The following AFTPH variants were observed in gnomAD, a reference collection of about 807,000 sequenced individuals.
The protein encoded by AFTPH is aftiphilin, also known as aftiphilin protein.
AFTPH carries 7 observed loss-of-function variants against 72.5 expected under a neutral mutation model. The observed-to-expected ratio is 0.10, with a 90% CI of 0.05 to 0.18. AFTPH has a LOEUF of 0.18. Ranked by LOEUF, AFTPH falls within the 10% of genes least tolerant of loss-of-function variation. The pLI is 1.00. For synonymous variants in AFTPH, 337 were observed against 370.1 expected, an observed-to-expected ratio of 0.91 and a Z score of 1.03; for missense variants, 979 against 1,060.5, an observed-to-expected ratio of 0.92 and a Z score of 1.07.
chr2:64,570,874 T>C (rs1240564012), intron 5 of AFTPH, among the ~76,000 whole-genome samples: 3 of 151,424 alleles, frequency 2.0e-5, no homozygotes, highest in Non-Finnish European at 4.4e-5. Flanking sequence ...GTAATATTTT[T>C]ACTATTTCTA....
At chr2:64,540,321 A>G (rs568609835) in intron 1 of AFTPH, among the ~76,000 whole-genome samples, 4 of 152,280 alleles carry the variant, frequency 2.6e-5, no homozygotes, top group African/African-American at 9.6e-5. Context: ...ATCAATAGTT[A>G]TCCAATGTTA....
intron 1 of AFTPH, among the ~76,000 whole-genome samples, chr2:64,534,089 T>G (rs1669764409): frequency 6.6e-6 from 1 of 151,724 alleles, no homozygotes; most frequent in Non-Finnish European, 1.5e-5. Flanking sequence ...TGGTGTTTTC[T>G]TCTTGGTGAT....
At chr2:64,560,676 C>A (rs1297524226) in intron 2 of AFTPH, among the ~76,000 whole-genome samples, 1 of 152,096 alleles carries the variant, frequency 6.6e-6, no homozygotes, top group Non-Finnish European at 1.5e-5. Context: ...AGTTTGAGAC[C>A]AGCCTGGCCA....
At chr2:64,579,445 C>G in intron 6 of AFTPH, 41 bp from the exon 7 acceptor site, 1 of 1,550,604 alleles carries the variant, frequency 6.4e-7, no homozygotes, top group Non-Finnish European at 8.9e-7. Context: ...GTTGCTACAA[C>G]CTGTACTGAT....
At chr2:64,592,100 C>G (rs1673864037) in exon 9 of AFTPH, 1 of 1,285,616 alleles carries the variant, frequency 7.8e-7, no homozygotes. Flanking sequence ...CCATCAAAAG[C>G]ATACCTGCTC....
chr2:64,589,942 T>G (rs1673718427), intron 8 of AFTPH, among the ~76,000 whole-genome samples: 1 of 3,352 alleles, frequency 3.0e-4, no homozygotes, highest in African/African-American at 1.0e-3. Context: ...CAAATACATA[T>G]ATGGGGGGGG....
chr2:64,540,976 A>G (rs1466047536), intron 1 of AFTPH, among the ~76,000 whole-genome samples: 2 of 152,098 alleles, frequency 1.3e-5, no homozygotes, highest in African/African-American at 4.8e-5. Context: ...TATAATTGTA[A>G]TATTTGCCGT....
intron 2 of AFTPH, among the ~76,000 whole-genome samples, chr2:64,560,338 T>C (rs561212342): frequency 6.6e-6 from 1 of 152,242 alleles, no homozygotes; most frequent in South Asian, 2.1e-4. Flanking sequence ...ATTAAACCAT[T>C]GGGTAATCAT....
intron 7 of AFTPH, among the ~76,000 whole-genome samples, chr2:64,581,865 GA>G (rs909296195): frequency 5.9e-5 from 9 of 151,656 alleles, no homozygotes; most frequent in African/African-American, 1.7e-4. Flanking sequence ...TTTTCCATGG[GA>G]AAAAAAATGT....
intron 6 of AFTPH, among the ~76,000 whole-genome samples, chr2:64,574,843 C>G (rs1672667269): frequency 6.6e-6 from 1 of 152,236 alleles, no homozygotes; most frequent in South Asian, 2.1e-4. Flanking sequence ...AAACTGCTAT[C>G]CCAGGTCTGC....
chr2:64,556,468 AT>A (rs1265417696), intron 2 of AFTPH, among the ~76,000 whole-genome samples: 2 of 152,130 alleles, frequency 1.3e-5, no homozygotes, highest in Non-Finnish European at 2.9e-5. Flanking sequence ...TTAAACAAAC[AT>A]GGCAATTTGA....
chr2:64,592,352 T>TA (rs879897290), exon 9 of AFTPH: 1,201 of 171,752 alleles, frequency 7.0e-3, no homozygotes, highest in East Asian at 0.018. Context: ...ACTTTTGAAA[T>TA]AAAAAAAAAA....
intron 2 of AFTPH, among the ~76,000 whole-genome samples, chr2:64,555,446 A>G (rs1572983952): frequency 6.6e-6 from 1 of 151,994 alleles, no homozygotes. Context: ...CTGTAATCCC[A>G]GCTACTCAGG....
intron 1 of AFTPH, among the ~76,000 whole-genome samples, chr2:64,537,317 C>G (rs1572946498): frequency 6.6e-6 from 1 of 152,084 alleles, no homozygotes; most frequent in Non-Finnish European, 1.5e-5. Flanking sequence ...AACCACCTGT[C>G]GGGTACTATG....
At chr2:64,536,951 C>CAAAAAA (rs70937353) in intron 1 of AFTPH, among the ~76,000 whole-genome samples, 49 of 81,602 alleles carry the variant, frequency 6.0e-4, no homozygotes, top group East Asian at 1.3e-3. Context: ...GACTCTGTCT[C>CAAAAAA]AAAAAAAAAA....
chr2:64,547,144 A>G (rs906044513), intron 1 of AFTPH, among the ~76,000 whole-genome samples: 1 of 151,838 alleles, frequency 6.6e-6, no homozygotes, highest in Non-Finnish European at 1.5e-5. Flanking sequence ...GGACTCTGTT[A>G]AAGTAGATGA....
At chr2:64,565,251 G>A (rs990564936) in intron 2 of AFTPH, among the ~76,000 whole-genome samples, 45 of 151,984 alleles carry the variant, frequency 3.0e-4, no homozygotes, top group African/African-American at 1.1e-3. Context: ...ACCGAGGTGG[G>A]TGGATCACGA....
exon 6 of AFTPH, chr2:64,573,033 C>G: frequency 6.2e-7 from 1 of 1,614,046 alleles, no homozygotes; most frequent in Non-Finnish European, 8.5e-7. Flanking sequence ...CACCATGTCA[C>G]CAGATATGAA....
intron 1 of AFTPH, among the ~76,000 whole-genome samples, chr2:64,529,858 T>TA (rs1047093954): frequency 2.6e-5 from 4 of 151,964 alleles, no homozygotes; most frequent in South Asian, 2.1e-4. Flanking sequence ...AAAATTACTT[T>TA]AAAAAAATCC....
Sources: allele counts gnomAD v4.1 joint callset (sites outside exome capture counted in the v4.1 genomes callset), GRCh38; gene constraint gnomAD v4.1.1; transcripts MANE v1.5; gene names NCBI Gene and HGNC (gene_info 2026-07-23, HGNC 2026-07-21).